Variants in MAP3K20 observed in about 807,000 individuals in gnomAD.
MAP3K20 encodes the protein HCCS-4.
Under a neutral mutation model 85.7 loss-of-function variants are expected in MAP3K20, and 40 were observed. That is an observed-to-expected ratio of 0.47 (90% CI 0.36 to 0.61). The LOEUF (loss-of-function observed/expected upper bound fraction) is 0.61, where lower values mean the gene tolerates loss of function less well. Ranked by LOEUF, MAP3K20 falls within the 20% of genes least tolerant of loss-of-function variation. MAP3K20 has a pLI of 0.00. For synonymous variants in MAP3K20, 325 were observed against 327.7 expected, an observed-to-expected ratio of 0.99 and a Z score of 0.09; for missense variants, 817 against 961.7, an observed-to-expected ratio of 0.85 and a Z score of 1.99.
chr2:173,175,849 G>C (rs573531193), intron 3 of MAP3K20, among the ~76,000 whole-genome samples: 2 of 152,232 alleles, frequency 1.3e-5, no homozygotes, highest in South Asian at 4.1e-4. Flanking sequence ...ATCTTCAAGT[G>C]ACCATGTCAT....
chr2:173,184,589 G>A (rs753589785), intron 4 of MAP3K20, among the ~76,000 whole-genome samples: 13 of 152,252 alleles, frequency 8.5e-5, no homozygotes, highest in Non-Finnish European at 1.3e-4. Flanking sequence ...GCATCAGAAG[G>A]GCAAGGAAGA....
At chr2:173,121,764 C>T (rs1439744791) in intron 2 of MAP3K20, among the ~76,000 whole-genome samples, 1 of 150,178 alleles carries the variant, frequency 6.7e-6, no homozygotes, top group Non-Finnish European at 1.5e-5. Flanking sequence ...CCGCCACCAT[C>T]ACCTCCTGGG....
At chr2:173,145,246 C>CA (rs952558093) in intron 2 of MAP3K20, among the ~76,000 whole-genome samples, 24 of 146,094 alleles carry the variant, frequency 1.6e-4, no homozygotes, top group South Asian at 4.3e-4. Flanking sequence ...GACTCCGTCT[C>CA]AAAAAAAAAG....
Position 173,085,784 on chromosome 2 carries a change from A to ATTTTTT in MAP3K20, c.-34-5190_-34-5185dup, listed in dbSNP as rs61431056. On this transcript the variant is annotated intron_variant, in intron 1 of 19. Transcript: ENST00000375213. ...AAATTGCCTTTTTTGTGTAAAAGCA[A>ATTTTTT]TTTTTTTTTTTTTTTTTTTTTTTTT... Among the ~76,000 whole-genome samples, 271 of 73,752 alleles carry ATTTTTT rather than the reference A, an allele frequency of 3.7e-3. 27 individuals carry two copies. The highest frequency in any genetic ancestry group is 6.9e-3 in the African/African-American group (128 of 18,466). 48.4% of individuals were successfully genotyped at this position (73,752 alleles called of 152,430 possible).
intron 2 of MAP3K20, among the ~76,000 whole-genome samples, chr2:173,135,403 A>C (rs1368074285): frequency 6.6e-6 from 1 of 152,246 alleles, no homozygotes; most frequent in Admixed American, 6.5e-5. Context: ...CAGTGGGTTA[A>C]CAGACGGAAA....
At chr2:173,232,764 A>T (rs1684552063) in intron 14 of MAP3K20, among the ~76,000 whole-genome samples, 1 of 152,168 alleles carries the variant, frequency 6.6e-6, no homozygotes, top group African/African-American at 2.4e-5. Flanking sequence ...TCAGCCTCCC[A>T]AAGTGCTGGG....
intron 1 of MAP3K20, chr2:173,090,568 T>C (rs979417254): frequency 1.7e-5 from 16 of 966,372 alleles, no homozygotes; most frequent in Non-Finnish European, 2.0e-5. Context: ...ATATTTTGTG[T>C]GAAGTGAGTG....
At position 173,092,240 on chromosome 2, in the gene MAP3K20, A is replaced by G. The variant is rs138825343; in HGVS notation, c.159+1050A>G. Among the ~76,000 whole-genome samples, 13 of 152,270 alleles carry G rather than the reference A, an allele frequency of 8.5e-5. 1 individual carries two copies. Among genetic ancestry groups the G allele is most frequent in the African/African-American group, 2.4e-4 (10 of 41,560 alleles). ...GAGAGATCTCTGCCTTGGGGAATCT[A>G]TAGGTTTTTGGAAGACATTAAGAAA... On this transcript the variant is annotated intron_variant, in intron 2 of 19. Transcript: ENST00000375213.
chr2:173,103,966 A>G (rs187136040), intron 2 of MAP3K20, among the ~76,000 whole-genome samples: 1 of 152,344 alleles, frequency 6.6e-6, no homozygotes, highest in African/African-American at 2.4e-5. Flanking sequence ...TATTCTAGAT[A>G]CTGGAACTAC....
At chr2:173,187,443 G>T in intron 4 of MAP3K20, 115 bp from the exon 5 acceptor site, 1 of 796,870 alleles carries the variant, frequency 1.3e-6, no homozygotes, top group South Asian at 2.0e-5. Flanking sequence ...AGTCATGGAA[G>T]AATAAGACAT....
chr2:173,225,230 G>C, intron 11 of MAP3K20: 1 of 718,580 alleles, frequency 1.4e-6, no homozygotes. Context: ...CAACTGGGGT[G>C]GCATTTGCTG....
At chr2:173,084,376 G>A (rs1687089746) in intron 1 of MAP3K20, among the ~76,000 whole-genome samples, 1 of 149,666 alleles carries the variant, frequency 6.7e-6, no homozygotes, top group African/African-American at 2.5e-5. Context: ...CAAAGTGAGT[G>A]CTATCATTGA....
In MAP3K20 at chr2:173,199,682, T is replaced by G. The variant is rs1340582405; in HGVS notation, c.669+1570T>G. Among the ~76,000 whole-genome samples the G allele has an allele frequency of 8.9e-5, 13 of 146,490 alleles. No homozygotes were observed. In the South Asian group the frequency reaches 1.5e-3, roughly 17 times the overall value. Reference sequence around the variant, plus strand: ...AGGTTGTTTTTTTTTTTTTTTCATTTTGTTTTGTTTTTGTTTTTTTAGCTA... The same window carrying G: ...AGGTTGTTTTTTTTTTTTTTTCATTGTGTTTTGTTTTTGTTTTTTTAGCTA... On this transcript the variant is annotated intron_variant, in intron 8 of 19. Coordinates refer to ENST00000375213, the MANE Select transcript of MAP3K20 (RefSeq NM_016653.3).
chr2:173,140,979 A>G (rs1688954230), intron 2 of MAP3K20, among the ~76,000 whole-genome samples: 1 of 152,190 alleles, frequency 6.6e-6, no homozygotes, highest in Non-Finnish European at 1.5e-5. Flanking sequence ...ATCTATAATT[A>G]TCTCAAAGTA....
intron 17 of MAP3K20, among the ~76,000 whole-genome samples, chr2:173,259,437 G>T (rs147902949): frequency 6.6e-6 from 1 of 152,272 alleles, no homozygotes; most frequent in African/African-American, 2.4e-5. Flanking sequence ...AATCATACTG[G>T]AACAATACAT....
chr2:173,112,004 A>G lies in MAP3K20; in HGVS notation c.159+20814A>G, dbSNP rs146155743. Among the ~76,000 whole-genome samples the G allele has an allele frequency of 5.2e-3, 799 of 152,276 alleles. 12 individuals carry two copies. The highest frequency in any genetic ancestry group is 0.017 in the African/African-American group (705 of 41,552). On this transcript the variant is annotated intron_variant, in intron 2 of 19. Coordinates refer to ENST00000375213, the MANE Select transcript of MAP3K20 (RefSeq NM_016653.3). ...ATTGAATTTGTAGATTGCTTTTGGC[A>G]TTATGGTCATTTTCACAATATTGAT...
intron 3 of MAP3K20, among the ~76,000 whole-genome samples, chr2:173,181,259 G>A (rs1690317026): frequency 6.6e-6 from 1 of 152,086 alleles, no homozygotes; most frequent in Admixed American, 6.5e-5. Context: ...ACATGCACCT[G>A]TAATCCCAGC....
intron 2 of MAP3K20, among the ~76,000 whole-genome samples, chr2:173,104,764 T>C (rs890197858): frequency 2.0e-5 from 3 of 152,104 alleles, no homozygotes; most frequent in Non-Finnish European, 4.4e-5. Context: ...GTAAGGGAGA[T>C]CAGGAGTGCC....
At chr2:173,199,246 T>C (rs1269925934) in intron 8 of MAP3K20, among the ~76,000 whole-genome samples, 1 of 152,206 alleles carries the variant, frequency 6.6e-6, no homozygotes, top group African/African-American at 2.4e-5. Context: ...TTAGATCACA[T>C]AATCCAGAGT....
Sources: allele counts gnomAD v4.1 joint callset (sites outside exome capture counted in the v4.1 genomes callset), GRCh38; gene constraint gnomAD v4.1.1; transcripts MANE v1.5; gene names NCBI Gene and HGNC (gene_info 2026-07-23, HGNC 2026-07-21).